PCBD2: variants seen among roughly 807,000 people sequenced by gnomAD.
The protein encoded by PCBD2 is pterin-4-alpha-carbinolamine dehydratase 2.
In PCBD2, 12 loss-of-function variants were observed where a neutral mutation model predicts 16.4. The observed-to-expected ratio is 0.73, with a 90% CI of 0.47 to 1.19. The LOEUF is 1.19. PCBD2 is among the 50% of genes most tolerant of loss of function. The pLI is 0.00. For synonymous variants in PCBD2, 58 were observed against 61.8 expected (o/e 0.94, Z 0.29); for missense variants, 138 against 156.8 (o/e 0.88, Z 0.64).
At chr5:134,932,010 A>G (rs1751104399) in intron 2 of PCBD2, among the ~76,000 whole-genome samples, 1 of 152,202 alleles carries the variant, frequency 6.6e-6, no homozygotes, top group African/African-American at 2.4e-5. Context: ...TAGAGGGGAA[A>G]GTCACTTCCA....
intron 2 of PCBD2, among the ~76,000 whole-genome samples, chr5:134,933,986 G>A (rs896983781): frequency 1.3e-5 from 2 of 151,978 alleles, no homozygotes; most frequent in East Asian, 1.9e-4. Flanking sequence ...GAGTTTTTTC[G>A]GATAAAGAAG....
intron 2 of PCBD2, among the ~76,000 whole-genome samples, chr5:134,951,640 T>C (rs1258011588): frequency 6.6e-6 from 1 of 152,220 alleles, no homozygotes. Flanking sequence ...GAATACCTTT[T>C]CTTCTATATC....
At chr5:134,955,552 C>G (rs1423643662) in intron 2 of PCBD2, among the ~76,000 whole-genome samples, 3 of 152,188 alleles carry the variant, frequency 2.0e-5, no homozygotes, top group Non-Finnish European at 2.9e-5. Flanking sequence ...AGGTGATCTG[C>G]CTGCCTCTGC....
chr5:134,906,759 A>T (rs1272383594), intron 1 of PCBD2, among the ~76,000 whole-genome samples: 1 of 152,214 alleles, frequency 6.6e-6, no homozygotes, highest in African/African-American at 2.4e-5. Flanking sequence ...GGTAGATATT[A>T]TAATATCCCC....
intron 2 of PCBD2, among the ~76,000 whole-genome samples, chr5:134,915,295 A>G (rs2149530939): frequency 6.6e-6 from 1 of 152,252 alleles, no homozygotes; most frequent in South Asian, 2.1e-4. Context: ...AGCCTGGGTG[A>G]CAAAGCGAGA....
intron 2 of PCBD2, among the ~76,000 whole-genome samples, chr5:134,952,200 A>G (rs1187602538): frequency 7.0e-6 from 1 of 143,776 alleles, no homozygotes; most frequent in Non-Finnish European, 1.5e-5. Context: ...TGGGAATTCT[A>G]GCATTTCCCT....
At chr5:134,915,876 A>G (rs764647784) in intron 2 of PCBD2, among the ~76,000 whole-genome samples, 1 of 152,158 alleles carries the variant, frequency 6.6e-6, no homozygotes, top group Non-Finnish European at 1.5e-5. Flanking sequence ...CCATATACTC[A>G]TAGCAATGGC....
At chr5:134,948,207 A>G (rs1460430974) in intron 2 of PCBD2, among the ~76,000 whole-genome samples, 5 of 152,240 alleles carry the variant, frequency 3.3e-5, no homozygotes, top group Non-Finnish European at 5.9e-5. Context: ...CAGACTGGGC[A>G]ATTGGTCTGC....
In PCBD2 at chr5:134,936,449, G is replaced by T. The variant is rs571507209; in HGVS notation, c.217-22591G>T. Among the ~76,000 whole-genome samples, 4 of 152,372 alleles carry T rather than the reference G, an allele frequency of 2.6e-5. No homozygotes were observed. The South Asian group carries it at 8.3e-4, about 32-fold the overall frequency. ...GTGACCAGGGCCAGAGCCCAGGAAG[G>T]TGCTGGGTACAGAGCAGCAGATTGG... On this transcript the variant is annotated intron_variant, in intron 2 of 3. Transcript: ENST00000254908.
chr5:134,949,714 G>C lies in PCBD2; in HGVS notation c.217-9326G>C, dbSNP rs562200818. On this transcript the variant is annotated intron_variant, in intron 2 of 3. Transcript: ENST00000254908. ...TAGAACAGTTAACAGTGTTCCACGT[G>C]AAAGTCTTGGTGAGACATGTAATCA... Among the ~76,000 whole-genome samples, 3 of 152,304 alleles carry C rather than the reference G, an allele frequency of 2.0e-5. No homozygotes were observed. The East Asian group carries it at 5.8e-4, about 29-fold the overall frequency.
chr5:134,953,141 C>G (rs969366734), intron 2 of PCBD2, among the ~76,000 whole-genome samples: 1 of 151,200 alleles, frequency 6.6e-6, no homozygotes, highest in Non-Finnish European at 1.5e-5. Flanking sequence ...GATTTATGTT[C>G]TTTACATTTA....
intron 1 of PCBD2, among the ~76,000 whole-genome samples, chr5:134,906,429 C>T (rs573801948): frequency 9.9e-5 from 15 of 152,064 alleles, no homozygotes; most frequent in Admixed American, 7.2e-4. Flanking sequence ...TGGTCTCGAT[C>T]TCCTGACCTC....
chr5:134,947,942 T>C (rs1751317440), intron 2 of PCBD2, among the ~76,000 whole-genome samples: 2 of 152,302 alleles, frequency 1.3e-5, no homozygotes, highest in South Asian at 4.2e-4. Context: ...CAAATAAGGA[T>C]TATCAGCAGA....
At chr5:134,928,516 G>A (rs1305212378) in intron 2 of PCBD2, 20 of 291,904 alleles carry the variant, frequency 6.9e-5, no homozygotes, top group Non-Finnish European at 1.2e-4. Context: ...CTCATGGCAA[G>A]GGTAAAAGGA....
intron 2 of PCBD2, among the ~76,000 whole-genome samples, chr5:134,948,876 C>A (rs1002899090): frequency 2.6e-5 from 4 of 152,246 alleles, no homozygotes; most frequent in African/African-American, 9.6e-5. Context: ...GGACTCATTT[C>A]GTCTGGGGCC....
intron 2 of PCBD2, chr5:134,924,000 G>T: frequency 2.5e-6 from 1 of 394,760 alleles, no homozygotes; most frequent in South Asian, 1.3e-4. Context: ...GTCGATAAAT[G>T]AGCGGTTAAT....
At chr5:134,924,481 G>A in intron 2 of PCBD2, 1 of 397,452 alleles carries the variant, frequency 2.5e-6, no homozygotes, top group Non-Finnish European at 4.4e-6. Flanking sequence ...AATTTTAATA[G>A]TGTGGGAAGT....
intron 1 of PCBD2, chr5:134,908,917 C>G (rs921658622): frequency 6.6e-6 from 1 of 152,120 alleles, no homozygotes; most frequent in African/African-American, 2.4e-5. Context: ...CCCACAGTTG[C>G]CCTTTGATGA....
At chr5:134,930,113 A>G (rs1427385560) in intron 2 of PCBD2, among the ~76,000 whole-genome samples, 4 of 152,226 alleles carry the variant, frequency 2.6e-5, no homozygotes, top group African/African-American at 9.6e-5. Flanking sequence ...CCAGGGTGAC[A>G]ACGAACTAGT....
Sources: allele counts gnomAD v4.1 joint callset (sites outside exome capture counted in the v4.1 genomes callset), GRCh38; gene constraint gnomAD v4.1.1; transcripts MANE v1.5; gene names NCBI Gene and HGNC (gene_info 2026-07-23, HGNC 2026-07-21).